The following FAT4 variants were observed in gnomAD, a reference collection of about 807,000 sequenced individuals.
The protein encoded by FAT4 is protocadherin Fat 4.
In FAT4, 84 loss-of-function variants were observed where a neutral mutation model predicts 303.9. The ratio of observed to expected loss-of-function variants is 0.28; its 90% CI spans 0.23 to 0.33. FAT4 has a LOEUF of 0.33. Among genes scored for constraint, FAT4 ranks in the 10% least tolerant of loss-of-function variants. FAT4 has a pLI of 1.00. For missense variants in FAT4, 6,005 were observed against 6,146.8 expected, an observed-to-expected ratio of 0.98 and a Z score of 0.77; for synonymous variants, 2,307 against 2,298.8, an observed-to-expected ratio of 1.00 and a Z score of -0.10.
In FAT4 at chr4:125,415,708, C is replaced by A; in HGVS notation, c.6745C>A (p.Leu2249Ile). 6.2e-7 allele frequency: 1 copy of A among 1,613,980 alleles called. No homozygotes were observed. The highest frequency in any genetic ancestry group is 8.5e-7 in the Non-Finnish European group (1 of 1,179,922). ...RTDTSTVSIV[L>I]LDINDFVPVF... ...TGATACCTCCACGGTCAGCATTGTT[C>A]TACTGGATATTAATGACTTTGTTCC... Residue 2249 changes from leucine (L) to isoleucine (I), a missense_variant, in exon 6 of 18, where the codon CTA becomes ATA. Leu to Ile is a conservative substitution (Grantham distance 5). Transcript: ENST00000394329.
At chr4:125,417,815 T>A (rs1276464182) in intron 7 of FAT4, among the ~76,000 whole-genome samples, 1 of 152,160 alleles carries the variant, frequency 6.6e-6, no homozygotes, top group African/African-American at 2.4e-5. Flanking sequence ...TTCGAGTCGC[T>A]CTGAAATAGA....
At chr4:125,468,899 A>C (rs1726766237) in intron 12 of FAT4, 80 bp downstream of exon 12, 1 of 1,403,268 alleles carries the variant, frequency 7.1e-7, no homozygotes, top group South Asian at 1.4e-5. Context: ...AAATCATGTT[A>C]AATTAGGTTT....
intron 10 of FAT4, among the ~76,000 whole-genome samples, 163 bp from the exon 11 acceptor site, chr4:125,463,400 A>G (rs1282791805): frequency 6.6e-6 from 1 of 152,040 alleles, no homozygotes; most frequent in Non-Finnish European, 1.5e-5. Flanking sequence ...AAGATTTTAA[A>G]TTCTAAGATA....
chr4:125,483,708 T>C lies in FAT4; in HGVS notation c.12822+1970T>C, dbSNP rs558349792. 2.0e-5 allele frequency among the ~76,000 whole-genome samples: 3 copies of C among 152,198 alleles called. No homozygotes were observed. The East Asian group carries it at 5.8e-4, about 29-fold the overall frequency. ...CAAAATGCATAGTTTTATATGAAAA[T>C]TTTGAAAAGAAGCTTTTCAAAGGGG... On this transcript the variant is annotated intron_variant, in intron 16 of 17. Transcript: ENST00000394329.
In FAT4 at chr4:125,317,623, G is replaced by T. The variant is rs368581391; in HGVS notation, c.1212G>T (p.Gln404His). 3.2e-5 allele frequency: 52 copies of T among 1,613,908 alleles called. No homozygotes were observed. The highest frequency in any genetic ancestry group is 4.2e-5 in the Non-Finnish European group (49 of 1,179,976). Residue 404 changes from glutamine to histidine, a missense_variant, in exon 2 of 18, where the codon CAG becomes CAT. Gln to His is a conservative substitution (Grantham distance 24). Coordinates refer to ENST00000394329, the MANE Select transcript of FAT4 (RefSeq NM_001291303.3). The surrounding 1 kb of genome is among the most constrained non-coding windows in gnomAD (Gnocchi z 7.0). ...ISVQILGGNE[Q>H]RHFEVQSSKV... is the part of the protein sequence containing the mutation. The stretch of plus-strand genomic sequence containing the variant: ...TGCAAATTCTCGGGGGCAATGAGCA[G>T]CGCCACTTTGAAGTGCAAAGCAGCA...
At chr4:125,479,965 T>C (rs1727166896) in intron 15 of FAT4, 100 bp downstream of exon 15, 6 of 903,524 alleles carry the variant, frequency 6.6e-6, no homozygotes, top group African/African-American at 1.7e-5. Context: ...TATGCTTTCA[T>C]TCTAAATATT....
Position 125,414,823 on chromosome 4 carries a change from G to C in FAT4, c.5921-61G>C, listed in dbSNP as rs4605670. 1 allele frequency: 1,148,689 copies of C among 1,150,466 alleles called. 573,478 individuals carry two copies. Among genetic ancestry groups the C allele is most frequent in the East Asian group, 1 (42,150 of 42,150 alleles). 71.3% of individuals were successfully genotyped at this position (1,150,466 alleles called of 1,614,324 possible). ...GCCAAATTACTTGCTAAAAGTTTTG[G>C]TATAGCTTGTTCTGCAATCAGCATA... On this transcript the variant is annotated intron_variant, in intron 5 of 17. Coordinates refer to ENST00000394329, the MANE Select transcript of FAT4 (RefSeq NM_001291303.3).
Position 125,488,433 on chromosome 4 carries a change from T to A in FAT4, c.13084+827T>A, listed in dbSNP as rs1414784181. ...AGAATGAATTGGAGGAGGACACGAG[T>A]GGATCTACAGAAATGAGTTGGGATC... On this transcript the variant is annotated intron_variant, in intron 17 of 17. Transcript: ENST00000394329. Among the ~76,000 whole-genome samples, 6 of 152,144 alleles carry A rather than the reference T, an allele frequency of 3.9e-5. No individual in the cohort carries two copies. The East Asian group carries it at 1.2e-3, about 29-fold the overall frequency.
At chr4:125,382,305 A>G (rs1030983619) in intron 2 of FAT4, among the ~76,000 whole-genome samples, 2 of 152,178 alleles carry the variant, frequency 1.3e-5, no homozygotes, top group African/African-American at 4.8e-5. Flanking sequence ...CTTCGATCAT[A>G]AGACTTGAAA....
rs367958680 is a variant in FAT4, at chr4:125,318,483, C to T, written c.2072C>T (p.Pro691Leu). Residue 691 changes from proline to leucine, a missense_variant, in exon 2 of 18, where the codon CCG (proline) becomes CTG (leucine). Coordinates refer to ENST00000394329, the MANE Select transcript of FAT4 (RefSeq NM_001291303.3). ...DINDNSPVFY[P>L]VQYFAHIKEN... is the part of the protein sequence containing the mutation. ...AATGATAACAGCCCTGTCTTCTACC[C>T]GGTCCAATACTTTGCTCACATTAAG... 3 of 1,614,142 alleles carry T rather than the reference C, an allele frequency of 1.9e-6. No individual in the cohort carries two copies. The highest frequency in any genetic ancestry group is 1.3e-5 in the African/African-American group (1 of 75,020).
chr4:125,428,180 C>A (rs1725155459), intron 7 of FAT4, among the ~76,000 whole-genome samples: 2 of 151,938 alleles, frequency 1.3e-5, no homozygotes, highest in Non-Finnish European at 2.9e-5. Flanking sequence ...TGCCTGTAAT[C>A]CCAGCTACTT....
At chr4:125,371,862 T>C (rs1733126587) in intron 2 of FAT4, among the ~76,000 whole-genome samples, 1 of 152,096 alleles carries the variant, frequency 6.6e-6, no homozygotes, top group Non-Finnish European at 1.5e-5. Context: ...GGGAATGTCT[T>C]CCTGTGACGG....
At chr4:125,388,895 C>G (rs997644216) in intron 2 of FAT4, among the ~76,000 whole-genome samples, 1 of 152,156 alleles carries the variant, frequency 6.6e-6, no homozygotes. Context: ...TCCAAGCCTG[C>G]CTGTTATTCA....
chr4:125,354,211 A>G (rs1055930388), intron 2 of FAT4, among the ~76,000 whole-genome samples: 6 of 151,750 alleles, frequency 4.0e-5, no homozygotes, highest in Non-Finnish European at 8.9e-5. Flanking sequence ...ATGGGCAAAT[A>G]ACTTATCGTT....
chr4:125,411,034 A>G (rs1487569599), intron 5 of FAT4, among the ~76,000 whole-genome samples: 2 of 152,062 alleles, frequency 1.3e-5, no homozygotes, highest in African/African-American at 4.8e-5. Context: ...GTTACACAAA[A>G]GGGTCTCAAG....
chr4:125,440,604 T>TGAGAGAGAGA (rs1263364626), intron 8 of FAT4, among the ~76,000 whole-genome samples: 95 of 35,568 alleles, frequency 2.7e-3, no homozygotes, highest in East Asian at 8.5e-3. Context: ...TGTGTGTGTG[T>TGAGAGAGAGA]GTGTGTGAGA....
intron 7 of FAT4, among the ~76,000 whole-genome samples, chr4:125,419,763 A>T (rs1319543676): frequency 6.6e-6 from 1 of 152,146 alleles, no homozygotes. Context: ...GTCTCCTGTC[A>T]GTTCTGCATT....
intron 2 of FAT4, among the ~76,000 whole-genome samples, chr4:125,395,340 C>T (rs1734127040): frequency 1.3e-5 from 2 of 152,126 alleles, no homozygotes; most frequent in Admixed American, 6.6e-5. Flanking sequence ...GACAGAGTCT[C>T]ACTCTGTCGC....
In FAT4 at chr4:125,450,074, G is replaced by A; in HGVS notation, c.9064G>A (p.Glu3022Lys). 1 of 1,613,724 alleles carries A rather than the reference G, an allele frequency of 6.2e-7. No homozygotes were observed. The highest frequency in any genetic ancestry group is 8.5e-7 in the Non-Finnish European group (1 of 1,179,826). The change falls in exon 10 of 18, where the codon GAG becomes AAG. Residue 3022 changes from glutamate (E) to lysine (K), a missense_variant. Glu to Lys is a moderately conservative substitution (Grantham distance 56). Transcript: ENST00000394329. ...DKDFGLNSEVEYFISNDNHLG... is the reference protein window; with the variant it reads ...DKDFGLNSEVKYFISNDNHLG... ...AGATTTTGGACTGAATTCAGAAGTG[G>A]AGTATTTCATTTCTAATGATAACCA...
Sources: allele counts gnomAD v4.1 joint callset (sites outside exome capture counted in the v4.1 genomes callset), GRCh38; gene constraint gnomAD v4.1.1; non-coding constraint Gnocchi (gnomAD v3.1); transcripts MANE v1.5; gene names NCBI Gene and HGNC (gene_info 2026-07-23, HGNC 2026-07-21).